The following CDC42BPA variants were observed in gnomAD, a reference collection of about 807,000 sequenced individuals.
The protein encoded by CDC42BPA is serine/threonine-protein kinase MRCK alpha.
CDC42BPA carries 80 observed loss-of-function variants against 223.5 expected under a neutral mutation model. The observed-to-expected ratio is 0.36, with a 90% CI of 0.30 to 0.43. The LOEUF is 0.43. Ranked by LOEUF, CDC42BPA falls within the 20% of genes least tolerant of loss-of-function variation. The probability of loss-of-function intolerance (pLI) is 1.00; values close to 1 mark genes in which losing one functional copy is unlikely to be tolerated. For synonymous variants in CDC42BPA, 694 were observed against 718.6 expected (o/e 0.97, Z 0.55); for missense variants, 1,743 against 2,099.9 (o/e 0.83, Z 3.32).
chr1:227,291,679 CTT>C (rs755177435), intron 1 of CDC42BPA, among the ~76,000 whole-genome samples: 55 of 152,182 alleles, frequency 3.6e-4, no homozygotes, highest in Non-Finnish European at 5.4e-4. Flanking sequence ...CACTTTTGCT[CTT>C]GATAGGTTAA....
intron 1 of CDC42BPA, among the ~76,000 whole-genome samples, chr1:227,315,656 C>T (rs7554168): frequency 0.31 from 46,486 of 151,572 alleles, 7,278 homozygotes; most frequent in East Asian, 0.36. Context: ...TTACAAAATA[C>T]TTTATTCAAC....
chr1:227,293,337 TTAC>T, intron 1 of CDC42BPA, among the ~76,000 whole-genome samples: 1 of 152,098 alleles, frequency 6.6e-6, no homozygotes, highest in Non-Finnish European at 1.5e-5. Context: ...ACTTAAATGT[TTAC>T]AGTTTCTAAA....
chr1:227,237,277 A>T lies in CDC42BPA; in HGVS notation c.270+16787T>A, dbSNP rs564836044. Reference sequence around the variant, plus strand: ...AGTTATTACATGGTATCTTAAAATGAGTAATACATTTACATGCTTTAAAAA... The same window carrying T: ...AGTTATTACATGGTATCTTAAAATGTGTAATACATTTACATGCTTTAAAAA... On this transcript the variant is annotated intron_variant, in intron 2 of 36. Transcript: ENST00000366766. Among the ~76,000 whole-genome samples, 69 of 152,280 alleles carry T rather than the reference A, an allele frequency of 4.5e-4. 1 individual carries two copies. In the South Asian group the frequency reaches 0.014, roughly 30 times the overall value.
chr1:227,094,637 G>A (rs766794400), intron 15 of CDC42BPA, among the ~76,000 whole-genome samples: 1 of 152,140 alleles, frequency 6.6e-6, no homozygotes, highest in Non-Finnish European at 1.5e-5. Context: ...GGTCAGAAGG[G>A]TGTTACCCCA....
intron 21 of CDC42BPA, among the ~76,000 whole-genome samples, chr1:227,057,334 T>C (rs189831555): frequency 6.6e-6 from 1 of 150,618 alleles, no homozygotes; most frequent in East Asian, 2.0e-4. Flanking sequence ...CATTATTTTG[T>C]AATACTACCT....
chr1:226,995,788 T>C (rs1661490671), intron 35 of CDC42BPA, among the ~76,000 whole-genome samples: 1 of 152,188 alleles, frequency 6.6e-6, no homozygotes, highest in Non-Finnish European at 1.5e-5. Context: ...CATTCCCTAC[T>C]ATGACAAGGT....
intron 5 of CDC42BPA, among the ~76,000 whole-genome samples, chr1:227,176,316 A>G (rs1666957200): frequency 6.6e-6 from 1 of 152,134 alleles, no homozygotes; most frequent in Non-Finnish European, 1.5e-5. Flanking sequence ...TCCAGATTAC[A>G]TCAGCATCTC....
chr1:227,029,389 T>C (rs538510755), intron 29 of CDC42BPA, 139 bp from the exon 30 acceptor site: 3 of 619,182 alleles, frequency 4.8e-6, no homozygotes, highest in Non-Finnish European at 8.3e-6. Flanking sequence ...AAAAAAAGAT[T>C]ATCCAACCCA....
At chr1:227,057,414 T>C (rs531218809) in intron 21 of CDC42BPA, among the ~76,000 whole-genome samples, 4 of 152,304 alleles carry the variant, frequency 2.6e-5, no homozygotes, top group South Asian at 4.1e-4. Flanking sequence ...TCTAAAAACA[T>C]GGTATATAAC....
intron 4 of CDC42BPA, among the ~76,000 whole-genome samples, chr1:227,198,404 G>A (rs1184933618): frequency 7.1e-6 from 1 of 140,678 alleles, no homozygotes; most frequent in Non-Finnish European, 1.5e-5. Flanking sequence ...ACAGCAGTTA[G>A]CTCTAATTGG....
At chr1:227,295,621 A>T (rs1048117282) in intron 1 of CDC42BPA, among the ~76,000 whole-genome samples, 8 of 152,244 alleles carry the variant, frequency 5.3e-5, no homozygotes, top group Admixed American at 3.3e-4. Context: ...ACCCCAATTT[A>T]AACAAAATGA....
chr1:227,031,590 T>G, intron 27 of CDC42BPA, 76 bp from the exon 28 acceptor site: 1 of 1,162,632 alleles, frequency 8.6e-7, no homozygotes, highest in Middle Eastern at 2.2e-4. Flanking sequence ...TATGTTAGTT[T>G]GCTTAGCACT....
intron 1 of CDC42BPA, among the ~76,000 whole-genome samples, chr1:227,304,800 T>C (rs896566513): frequency 1.3e-5 from 2 of 152,202 alleles, no homozygotes; most frequent in Admixed American, 1.3e-4. Flanking sequence ...GACAAAAGAA[T>C]AGCACAAGAG....
chr1:227,107,802 C>T (rs1252777361), intron 14 of CDC42BPA, among the ~76,000 whole-genome samples: 3 of 152,110 alleles, frequency 2.0e-5, no homozygotes, highest in African/African-American at 4.8e-5. Context: ...TCTATTTTGC[C>T]ATGAGTCATA....
chr1:227,311,890 C>T (rs1226352170), intron 1 of CDC42BPA, among the ~76,000 whole-genome samples: 2 of 149,836 alleles, frequency 1.3e-5, no homozygotes, highest in African/African-American at 2.4e-5. Flanking sequence ...CTTGCCCATA[C>T]CTTACACTCT....
At chr1:227,056,490 T>G (rs982857380) in intron 21 of CDC42BPA, among the ~76,000 whole-genome samples, 1 of 152,008 alleles carries the variant, frequency 6.6e-6, no homozygotes, top group African/African-American at 2.4e-5. Context: ...TGAGCCGAAC[T>G]GATCCTCCTA....
chr1:227,279,990 G>T (rs1185377289), intron 1 of CDC42BPA, among the ~76,000 whole-genome samples: 1 of 152,064 alleles, frequency 6.6e-6, no homozygotes, highest in Admixed American at 6.6e-5. Flanking sequence ...CCTGGGAGGT[G>T]GAGGTTGCAG....
chr1:227,145,485 T>A lies in CDC42BPA; in HGVS notation c.1143+4A>T. 1 of 1,611,944 alleles carries A rather than the reference T, an allele frequency of 6.2e-7. No homozygotes were observed. Among genetic ancestry groups the A allele is most frequent in the Non-Finnish European group, 8.5e-7 (1 of 1,178,754 alleles). On this transcript the variant is annotated splice_donor_region_variant and intron_variant, in intron 8 of 36. Coordinates refer to ENST00000366766, the MANE Select transcript of CDC42BPA (RefSeq NM_001394014.1). Reference sequence around the variant, plus strand: ...ACAGAACTTCTTCACAGTGTCATACTTACAGAATTTTTTAAACAATCATCA... The same window carrying A: ...ACAGAACTTCTTCACAGTGTCATACATACAGAATTTTTTAAACAATCATCA...
At chr1:227,057,842 C>A (rs2183837) in intron 21 of CDC42BPA, among the ~76,000 whole-genome samples, 23,500 of 152,018 alleles carry the variant, frequency 0.15, 2,198 homozygotes, top group African/African-American at 0.25. Flanking sequence ...TCAAGATTCA[C>A]AAAAAATGTT....
Sources: allele counts gnomAD v4.1 joint callset (sites outside exome capture counted in the v4.1 genomes callset), GRCh38; gene constraint gnomAD v4.1.1; transcripts MANE v1.5; gene names NCBI Gene and HGNC (gene_info 2026-07-23, HGNC 2026-07-21).